Variants in ANKFN1 observed in about 807,000 individuals in gnomAD.
The protein encoded by ANKFN1 is ankyrin repeat and fibronectin type III domain containing 1, also known as ankyrin repeat and fibronectin type-III domain-containing protein 1.
A neutral mutation model predicts 108.7 loss-of-function variants in ANKFN1; 74 were observed. The observed-to-expected ratio is 0.68, with a 90% CI of 0.56 to 0.83. The LOEUF is 0.83. Ranked by LOEUF, ANKFN1 falls within the 40% of genes least tolerant of loss-of-function variation. The pLI is 0.00. For synonymous variants in ANKFN1, 547 were observed against 516.2 expected (o/e 1.06, Z -0.81); for missense variants, 1,505 against 1,382.3 (o/e 1.09, Z -1.41).
chr17:56,490,011 C>T (rs898780152), intron 18 of ANKFN1, among the ~76,000 whole-genome samples: 3 of 152,062 alleles, frequency 2.0e-5, no homozygotes, highest in African/African-American at 4.8e-5. Flanking sequence ...GAGGAGCCTT[C>T]GGGTGAAGGG....
At chr17:56,076,238 A>G (rs975390406) in intron 4 of ANKFN1, among the ~76,000 whole-genome samples, 2 of 152,200 alleles carry the variant, frequency 1.3e-5, no homozygotes, top group Non-Finnish European at 2.9e-5. Flanking sequence ...CCATAAATTA[A>G]TATGCATTTG....
At chr17:56,293,056 C>T (rs755811363) in intron 3 of ANKFN1, among the ~76,000 whole-genome samples, 52 of 152,184 alleles carry the variant, frequency 3.4e-4, no homozygotes, top group Non-Finnish European at 6.9e-4. Flanking sequence ...CTTATTCATT[C>T]AGAAATTACT....
chr17:56,124,869 C>T (rs2143314020), intron 4 of ANKFN1, among the ~76,000 whole-genome samples: 1 of 152,338 alleles, frequency 6.6e-6, no homozygotes, highest in Non-Finnish European at 1.5e-5. Context: ...GGTTCTCTTT[C>T]CTGGTCTCCG....
intron 8 of ANKFN1, among the ~76,000 whole-genome samples, chr17:56,379,863 T>C (rs1053814280): frequency 6.6e-6 from 1 of 152,376 alleles, no homozygotes; most frequent in Non-Finnish European, 1.5e-5. Flanking sequence ...CACTGTCCCA[T>C]TGATCTGTCT....
intron 8 of ANKFN1, 100 bp from the exon 9 acceptor site, chr17:56,440,227 G>C: frequency 1.8e-6 from 1 of 563,450 alleles, no homozygotes. Flanking sequence ...AACTCTTTCT[G>C]AGAGGGATTG....
upstream of ANKFN1, among the ~76,000 whole-genome samples, chr17:56,149,786 C>T (rs1908486262): frequency 6.6e-6 from 1 of 152,218 alleles, no homozygotes; most frequent in African/African-American, 2.4e-5. Flanking sequence ...CCTGGCATGG[C>T]AATCCTGTTC....
intron 4 of ANKFN1, among the ~76,000 whole-genome samples, chr17:56,133,587 TCTC>T (rs1290898772): frequency 6.6e-6 from 1 of 151,462 alleles, no homozygotes; most frequent in African/African-American, 2.4e-5. Flanking sequence ...CATATCTATA[TCTC>T]CTCTTGTGTG....
intron 3 of ANKFN1, among the ~76,000 whole-genome samples, chr17:56,285,015 T>G (rs915162138): frequency 6.6e-6 from 1 of 152,210 alleles, no homozygotes; most frequent in African/African-American, 2.4e-5. Flanking sequence ...CAAGATCTTA[T>G]TTCTTCTGTG....
At chr17:56,185,852 C>T (rs140704892) in intron 1 of ANKFN1, among the ~76,000 whole-genome samples, 24 of 152,120 alleles carry the variant, frequency 1.6e-4, no homozygotes, top group African/African-American at 4.8e-4. Flanking sequence ...AAACTAAATT[C>T]GACCAGGACT....
At chr17:56,508,802 C>A (rs1412127859) in intron 20 of ANKFN1, among the ~76,000 whole-genome samples, 3 of 152,168 alleles carry the variant, frequency 2.0e-5, no homozygotes, top group Admixed American at 6.5e-5. Context: ...TTTATACATC[C>A]ATTAAAACAG....
intron 4 of ANKFN1, among the ~76,000 whole-genome samples, chr17:56,105,961 C>T (rs897241339): frequency 6.6e-6 from 1 of 152,122 alleles, no homozygotes; most frequent in South Asian, 2.1e-4. Context: ...ATGACAGCCC[C>T]TACAGCAAAG....
At position 56,480,752 on chromosome 17, in the gene ANKFN1, GTTC is replaced by G. The variant is rs755607975; in HGVS notation, c.2030_2032del (p.Phe677del). The G allele has an allele frequency of 2.5e-6, 4 of 1,613,876 alleles. No individual in the cohort carries two copies. The highest frequency in any genetic ancestry group is 3.3e-5 in the Admixed American group (2 of 59,990). ...ATACTTCTGACTGCCCCATGCAATT[GTTC>G]TTCTACGAGCTCCAGATGGCAGTGA... On this transcript the variant is annotated inframe_deletion, in exon 17 of 21. Transcript: ENST00000682825.
chr17:56,377,739 A>C (rs1204159611), intron 8 of ANKFN1, among the ~76,000 whole-genome samples: 5 of 152,222 alleles, frequency 3.3e-5, no homozygotes, highest in Non-Finnish European at 1.5e-5. Flanking sequence ...ACATTTGCAA[A>C]AGTGATTTTA....
intron 6 of ANKFN1, among the ~76,000 whole-genome samples, chr17:56,359,873 G>T (rs1431477255): frequency 6.6e-6 from 1 of 152,120 alleles, no homozygotes; most frequent in Non-Finnish European, 1.5e-5. Context: ...TGCTCCAACA[G>T]TGCTGCCATT....
chr17:56,412,854 G>A (rs768732168), intron 8 of ANKFN1, among the ~76,000 whole-genome samples: 7 of 152,062 alleles, frequency 4.6e-5, no homozygotes, highest in East Asian at 1.9e-4. Flanking sequence ...TTTCAAATAC[G>A]CGTCTATCCT....
At chr17:56,322,294 C>T (rs946211798) in intron 3 of ANKFN1, among the ~76,000 whole-genome samples, 12 of 152,152 alleles carry the variant, frequency 7.9e-5, no homozygotes, top group African/African-American at 2.4e-4. Context: ...CCCACCTATA[C>T]TATTGACAAT....
chr17:56,303,044 C>T (rs761136934), intron 3 of ANKFN1, among the ~76,000 whole-genome samples: 2 of 152,206 alleles, frequency 1.3e-5, no homozygotes, highest in African/African-American at 2.4e-5. Context: ...GTAACTCATG[C>T]TCTGTCTACT....
chr17:56,191,958 T>G (rs1227080417), intron 1 of ANKFN1, among the ~76,000 whole-genome samples: 1 of 152,024 alleles, frequency 6.6e-6, no homozygotes, highest in Non-Finnish European at 1.5e-5. Context: ...CTTCATTTCA[T>G]TCATTTCATC....
At chr17:56,419,489 A>T (rs1456824456) in intron 8 of ANKFN1, among the ~76,000 whole-genome samples, 2 of 151,672 alleles carry the variant, frequency 1.3e-5, no homozygotes, top group East Asian at 3.9e-4. Context: ...ATCTCAAAAA[A>T]AAAAAAAAGA....
Sources: allele counts gnomAD v4.1 joint callset (sites outside exome capture counted in the v4.1 genomes callset), GRCh38; gene constraint gnomAD v4.1.1; transcripts MANE v1.5; gene names NCBI Gene and HGNC (gene_info 2026-07-23, HGNC 2026-07-21).